C5orf58: variants seen among roughly 807,000 people sequenced by gnomAD.
C5orf58 encodes the protein putative uncharacterized protein C5orf58.
Under a neutral mutation model 2.9 loss-of-function variants are expected in C5orf58, and 2 were observed. The ratio of observed to expected loss-of-function variants is 0.69; its 90% confidence interval spans 0.28 to 2.18. The LOEUF (loss-of-function observed/expected upper bound fraction) is 2.18, where lower values mean the gene tolerates loss of function less well. Among genes scored for constraint, C5orf58 ranks in the 30% most tolerant of loss-of-function variants. The pLI, the probability that C5orf58 is intolerant of heterozygous loss-of-function variation, is 0.13. For missense variants in C5orf58, 96 were observed against 91.7 expected (o/e 1.05, Z -0.19); for synonymous variants, 37 against 33.4 (o/e 1.11, Z -0.37).
intron 3 of C5orf58, among the ~76,000 whole-genome samples, chr5:170,241,708 T>C (rs1394302020): frequency 6.9e-6 from 1 of 145,060 alleles, no homozygotes; most frequent in African/African-American, 2.7e-5. Context: ...AGATATACAA[T>C]CATGTCATCT....
chr5:170,242,104 A>G (rs867903522), intron 3 of C5orf58, among the ~76,000 whole-genome samples: 1,800 of 148,830 alleles, frequency 0.012, 17 homozygotes, highest in Middle Eastern at 0.028. Context: ...ATATTGAACC[A>G]GCCTTGCATC....
chr5:170,242,661 TTCTC>T (rs1761069059), intron 3 of C5orf58, among the ~76,000 whole-genome samples: 1 of 125,122 alleles, frequency 8.0e-6, no homozygotes, highest in Non-Finnish European at 1.7e-5. Flanking sequence ...TATTGGATTC[TTCTC>T]TCTTTTTTTC....
In C5orf58 at chr5:170,251,581, A is replaced by G. The variant is rs903086681; in HGVS notation, c.95-67A>G. 7.0e-5 allele frequency: 32 copies of G among 455,464 alleles called. 2 individuals carry two copies. The highest frequency in any genetic ancestry group is 3.9e-4 in the South Asian group (25 of 64,522). 28.2% of individuals were successfully genotyped at this position (455,464 alleles called of 1,614,324 possible). Reference sequence around the variant, plus strand: ...AAACTACTCCCTTCTCCTCATACCAAATCAGGATAGCTTTAAATAGCCATG... The same window carrying G: ...AAACTACTCCCTTCTCCTCATACCAGATCAGGATAGCTTTAAATAGCCATG... On this transcript the variant is annotated intron_variant, in intron 2 of 2. Transcript: ENST00000517575.
intron 2 of C5orf58, 38 bp from the exon 3 acceptor site, chr5:170,234,938 CT>C (rs1468576965): frequency 1.1e-6 from 1 of 905,074 alleles, no homozygotes; most frequent in Admixed American, 2.8e-5. Flanking sequence ...CACATAAATA[CT>C]GATTTATACA....
downstream of C5orf58, chr5:170,248,612 A>C (rs1271891970): frequency 1.4e-5 from 21 of 1,460,884 alleles, no homozygotes; most frequent in Non-Finnish European, 3.8e-6. Flanking sequence ...GTTCAGTCCT[A>C]AGTGTTTGTC....
chr5:170,235,337 C>T (rs1455816489), intron 3 of C5orf58, among the ~76,000 whole-genome samples: 3 of 152,156 alleles, frequency 2.0e-5, no homozygotes, highest in African/African-American at 7.2e-5. Flanking sequence ...CCCTTCCTTC[C>T]CTTCAACACA....
At chr5:170,249,360 G>A (rs1761374211), downstream of C5orf58, among the ~76,000 whole-genome samples, 1 of 101,584 alleles carries the variant, frequency 9.8e-6, no homozygotes, top group Non-Finnish European at 2.2e-5. Context: ...GTGCATGCGT[G>A]TGTATATATA....
chr5:170,237,310 C>T (rs1289456196), intron 3 of C5orf58: 1 of 398,274 alleles, frequency 2.5e-6, no homozygotes, highest in Non-Finnish European at 4.4e-6. Context: ...TACCATAATC[C>T]AGGACTCTTC....
downstream of C5orf58, chr5:170,248,686 G>C (rs1002308901): frequency 2.5e-6 from 4 of 1,573,044 alleles, no homozygotes; most frequent in African/African-American, 6.2e-5. Flanking sequence ...CATTTGCTCG[G>C]CTATAACTTG....
At position 170,246,117 on chromosome 5, in the gene C5orf58, CTTAT is replaced by C. The variant is rs771243797; in HGVS notation, c.*7_*10del. 1.4e-5 allele frequency: 22 copies of C among 1,605,080 alleles called. No homozygotes were observed. The highest frequency in any genetic ancestry group is 1.8e-5 in the Non-Finnish European group (21 of 1,175,198). ...TTCTAACAGTTTTTCTATCTGATTT[CTTAT>C]TTGTTATGAGTTTCTGTTTTATTGT... On this transcript the variant is annotated 3_prime_UTR_variant, in exon 4 of 4. Coordinates refer to ENST00000593851, the MANE Select transcript of C5orf58 (RefSeq NM_001102609.3).
At chr5:170,240,889 TA>T (rs1760974937) in intron 3 of C5orf58, among the ~76,000 whole-genome samples, 1 of 152,050 alleles carries the variant, frequency 6.6e-6, no homozygotes, top group Admixed American at 6.6e-5. Context: ...GGTTTTCTTC[TA>T]GGGTTTTTAT....
At chr5:170,239,026 C>A (rs1360165575) in intron 3 of C5orf58, among the ~76,000 whole-genome samples, 1 of 152,142 alleles carries the variant, frequency 6.6e-6, no homozygotes, top group Non-Finnish European at 1.5e-5. Flanking sequence ...AGCTGTACAG[C>A]AGTGCTAGTA....
At chr5:170,244,318 A>G (rs1057407684) in intron 3 of C5orf58, among the ~76,000 whole-genome samples, 2 of 150,352 alleles carry the variant, frequency 1.3e-5, no homozygotes, top group African/African-American at 4.9e-5. Flanking sequence ...GAATCTGAAC[A>G]TTGGCCTGCC....
intron 3 of C5orf58, among the ~76,000 whole-genome samples, chr5:170,236,877 T>A (rs1320381983): frequency 6.6e-6 from 1 of 152,234 alleles, no homozygotes; most frequent in Non-Finnish European, 1.5e-5. Context: ...TACTATTTTA[T>A]AATTGCATAT....
rs1760681992 is a variant in C5orf58 at position 170,234,998 on chromosome 5, G to A, written c.22G>A (p.Asp8Asn). The change falls in exon 3 of 4, where the codon GAT becomes AAT. Residue 8 changes from aspartate to asparagine, a missense_variant. Coordinates refer to ENST00000593851, the MANE Select transcript of C5orf58 (RefSeq NM_001102609.3). ...TCAGATGGGTAAGAAGCGTGTTACT[G>A]ATCATAAGCTAAATGTGGACAAAGT... MGKKRVT[D>N]HKLNVDKVIK... 9 of 1,537,602 alleles carry A rather than the reference G, an allele frequency of 5.9e-6. No individual in the cohort carries two copies. The highest frequency in any genetic ancestry group is 8.0e-6 in the Non-Finnish European group (9 of 1,121,004).
downstream of C5orf58, among the ~76,000 whole-genome samples, chr5:170,249,084 G>C (rs1761365986): frequency 6.6e-6 from 1 of 152,202 alleles, no homozygotes; most frequent in South Asian, 2.1e-4. Flanking sequence ...CACTTTGGGA[G>C]GCTAAGGCCG....
chr5:170,237,449 C>T (rs1243340958), intron 3 of C5orf58: 1 of 394,578 alleles, frequency 2.5e-6, no homozygotes, highest in African/African-American at 2.1e-5. Flanking sequence ...GTCAGTGGTA[C>T]ACCTGAGATT....
intron 3 of C5orf58, among the ~76,000 whole-genome samples, chr5:170,240,864 G>A (rs1255479404): frequency 6.6e-6 from 1 of 151,980 alleles, no homozygotes; most frequent in Non-Finnish European, 1.5e-5. Flanking sequence ...CCTATGTCCT[G>A]AATGGTAATG....
chr5:170,234,085 A>G, intron 1 of C5orf58, 30 bp from the exon 2 acceptor site: 14 of 1,327,716 alleles, frequency 1.1e-5, no homozygotes, highest in Non-Finnish European at 1.4e-5. Flanking sequence ...TGCAAAGCGC[A>G]TTTTATTAAT....
Sources: allele counts gnomAD v4.1 joint callset (sites outside exome capture counted in the v4.1 genomes callset), GRCh38; gene constraint gnomAD v4.1.1; transcripts MANE v1.5; gene names NCBI Gene and HGNC (gene_info 2026-07-23, HGNC 2026-07-21).